Variants in TTC21B observed in about 807,000 individuals in gnomAD.
TTC21B encodes the protein tetratricopeptide repeat domain 21B.
TTC21B carries 127 observed loss-of-function variants against 175.1 expected under a neutral mutation model. That is an observed-to-expected ratio of 0.73 (90% CI 0.63 to 0.84). The LOEUF (loss-of-function observed/expected upper bound fraction) is 0.84. Among genes scored for constraint, TTC21B ranks in the 40% least tolerant of loss-of-function variants. TTC21B has a pLI of 0.00. For synonymous variants in TTC21B, 524 were observed against 524.5 expected (o/e 1.00, Z 0.01); for missense variants, 1,561 against 1,558.3 (o/e 1.00, Z -0.03).
chr2:165,925,851 C>T (rs1574113225), intron 11 of TTC21B, among the ~76,000 whole-genome samples: 1 of 152,074 alleles, frequency 6.6e-6, no homozygotes, highest in Non-Finnish European at 1.5e-5. Flanking sequence ...TTAAAAATAT[C>T]TGTTTTTTTC....
chr2:165,929,938 A>T (rs1324600645), intron 9 of TTC21B, among the ~76,000 whole-genome samples, 191 bp from the exon 10 acceptor site: 1 of 152,080 alleles, frequency 6.6e-6, no homozygotes, highest in Non-Finnish European at 1.5e-5. Flanking sequence ...GACCTTATAA[A>T]ATCATTTACT....
At chr2:165,887,136 A>T (rs2105287940) in intron 25 of TTC21B, among the ~76,000 whole-genome samples, 1 of 152,230 alleles carries the variant, frequency 6.6e-6, no homozygotes, top group Admixed American at 6.5e-5. Context: ...AGGGCCCTAA[A>T]AGGTGAGGGG....
At position 165,931,672 on chromosome 2, in the gene TTC21B, T is replaced by C. The variant is rs1304248922; in HGVS notation, c.894+86A>G. On this transcript the variant is annotated intron_variant, in intron 8 of 28. Coordinates refer to ENST00000243344, the MANE Select transcript of TTC21B (RefSeq NM_024753.5). ...ATACATATTTGCACTCTAGGCCATA[T>C]GCTCTTCCCTGCTTCCACCTTTTCC... The C allele has an allele frequency of 3.6e-6, 4 of 1,120,662 alleles. No individual in the cohort carries two copies. The African/African-American group carries it at 4.6e-5, about 13-fold the overall frequency. The allele number at this position is 1,120,662 out of a possible 1,614,324, so 69.4% of individuals were successfully genotyped here. A position where few individuals can be genotyped will look rare whatever the true frequency, so the allele number is the denominator to read the frequency against.
At chr2:165,899,997 A>T in intron 20 of TTC21B, 117 bp from the exon 21 acceptor site, 1 of 411,782 alleles carries the variant, frequency 2.4e-6, no homozygotes, top group Non-Finnish European at 4.8e-6. Flanking sequence ...TAAAATGCCA[A>T]GTATAATAGA....
chr2:165,944,251 A>G (rs191793246), intron 4 of TTC21B, among the ~76,000 whole-genome samples: 161 of 152,284 alleles, frequency 1.1e-3, no homozygotes, highest in African/African-American at 3.7e-3. Flanking sequence ...CTGTTCTGCC[A>G]GCACCAGAAA....
At chr2:165,924,522 G>T in intron 12 of TTC21B, 27 bp downstream of exon 12, 3 of 1,608,120 alleles carry the variant, frequency 1.9e-6, no homozygotes, top group Non-Finnish European at 2.6e-6. Flanking sequence ...GAATAAAAAG[G>T]TTAAAAGTTT....
chr2:165,888,357 G>GT lies in TTC21B; in HGVS notation c.3380dup (p.Asn1127LysfsTer12), dbSNP rs780125805. ...TCTGTTTGGTAGCCATTAAGCAATAGTTTTCCATTATGCGAAGCTGTACGT... is the reference window on the plus strand; with the variant it reads ...TCTGTTTGGTAGCCATTAAGCAATAGTTTTTCCATTATGCGAAGCTGTACGT... On this transcript the variant is annotated frameshift_variant, in exon 25 of 29. Transcript: ENST00000243344. LOFTEE classifies it high-confidence loss of function. 3.7e-6 allele frequency: 6 copies of GT among 1,613,778 alleles called. No individual in the cohort carries two copies. In the South Asian group the frequency reaches 4.4e-5, roughly 12 times the overall value.
At chr2:165,926,325 A>C (rs1686627471) in intron 11 of TTC21B, among the ~76,000 whole-genome samples, 1 of 152,184 alleles carries the variant, frequency 6.6e-6, no homozygotes, top group African/African-American at 2.4e-5. Flanking sequence ...TAAAATGTTG[A>C]CTTGGATCAT....
Position 165,929,251 on chromosome 2 carries a change from C to A in TTC21B, c.1270G>T (p.Asp424Tyr). The A allele has an allele frequency of 6.2e-7, 1 of 1,612,838 alleles. No homozygotes were observed. The highest frequency in any genetic ancestry group is 1.1e-5 in the South Asian group (1 of 91,024). ...CCTTCTAATTGTGAAAAGTGAGTGT[C>A]CAGGACATCATTTAACAAATTAATA... ...EVINLLNDVL[D>Y]THFSQLEGLP... Residue 424 changes from aspartate (D) to tyrosine (Y), a missense_variant, in exon 11 of 29, where the codon GAC becomes TAC. Coordinates refer to ENST00000243344, the MANE Select transcript of TTC21B (RefSeq NM_024753.5).
intron 1 of TTC21B, among the ~76,000 whole-genome samples, chr2:165,950,744 A>G (rs956584993): frequency 3.3e-5 from 5 of 152,036 alleles, no homozygotes; most frequent in African/African-American, 9.7e-5. Flanking sequence ...CTGATCTGGG[A>G]CTATAGGCAC....
At chr2:165,904,237 A>C (rs1484208312) in intron 19 of TTC21B, among the ~76,000 whole-genome samples, 1 of 152,166 alleles carries the variant, frequency 6.6e-6, no homozygotes, top group Non-Finnish European at 1.5e-5. Flanking sequence ...GCTGGGTGCA[A>C]TTCTCTATCA....
chr2:165,875,171 G>A (rs1684625485), intron 28 of TTC21B, among the ~76,000 whole-genome samples: 1 of 152,082 alleles, frequency 6.6e-6, no homozygotes, highest in Non-Finnish European at 1.5e-5. Context: ...TAAACCCTTA[G>A]AGAGTGACTT....
intron 27 of TTC21B, among the ~76,000 whole-genome samples, chr2:165,879,197 T>C (rs560416538): frequency 6.6e-6 from 1 of 152,270 alleles, no homozygotes; most frequent in Non-Finnish European, 1.5e-5. Context: ...AAAGAACTAG[T>C]CATTTGGAAT....
intron 19 of TTC21B, among the ~76,000 whole-genome samples, chr2:165,903,186 C>T (rs1222205292): frequency 6.6e-6 from 1 of 152,098 alleles, no homozygotes; most frequent in Non-Finnish European, 1.5e-5. Context: ...CATGGGAGTA[C>T]ATAATAGAAA....
chr2:165,950,543 T>G (rs1687727870), intron 1 of TTC21B, among the ~76,000 whole-genome samples: 1 of 152,186 alleles, frequency 6.6e-6, no homozygotes, highest in Non-Finnish European at 1.5e-5. Flanking sequence ...CTCTACAGCT[T>G]GTTCAGTAGC....
chr2:165,901,848 A>G lies in TTC21B; in HGVS notation c.2631T>C (p.Pro877=), dbSNP rs1685573677. The change falls in exon 20 of 29, where the codon CCT becomes CCC. Residue 877 remains proline (P), a synonymous_variant. Transcript: ENST00000243344. ...RVQMEQPDAV[P]AQKHLAAEIC... is the part of the protein sequence containing the mutation. ...TTTCAGCTGCTAAATGTTTCTGTGC[A>G]GGAACTGCATCTGGCTGTTCCATCT... is the stretch of plus-strand genomic sequence containing the variant. 1 of 1,613,994 alleles carries G rather than the reference A, an allele frequency of 6.2e-7. No homozygotes were observed. Among genetic ancestry groups the G allele is most frequent in the Admixed American group, 1.7e-5 (1 of 60,002 alleles).
chr2:165,922,268 A>G (rs566669662), intron 12 of TTC21B, among the ~76,000 whole-genome samples: 176 of 152,260 alleles, frequency 1.2e-3, no homozygotes, highest in African/African-American at 4.0e-3. Context: ...ACTTCTTACA[A>G]TTGAAATATT....
chr2:165,883,029 T>A (rs1195690448), intron 26 of TTC21B, among the ~76,000 whole-genome samples: 1 of 152,164 alleles, frequency 6.6e-6, no homozygotes, highest in Non-Finnish European at 1.5e-5. Flanking sequence ...TAGTACTAGA[T>A]AATCACAATT....
chr2:165,894,467 T>C (rs79597630), intron 22 of TTC21B, among the ~76,000 whole-genome samples: 2,826 of 152,174 alleles, frequency 0.019, 102 homozygotes, highest in African/African-American at 0.065. Flanking sequence ...TCCAACAAAA[T>C]AGATCTGTGG....
Sources: gnomAD v4.1 joint callset for allele counts (sites outside exome capture counted in the v4.1 genomes callset) on GRCh38, gnomAD v4.1.1 for gene constraint, MANE v1.5 for transcripts, NCBI Gene and HGNC (gene_info 2026-07-23, HGNC 2026-07-21) for gene names.